MECOM: variants seen among roughly 807,000 people sequenced by gnomAD.
MECOM encodes MDS1 and EVI1 complex locus, also known as histone-lysine N-methyltransferase MECOM.
A neutral mutation model predicts 116.3 loss-of-function variants in MECOM; 13 were observed. That is an observed-to-expected ratio of 0.11 (90% CI 0.07 to 0.18). MECOM has a LOEUF of 0.18. MECOM is among the 10% of genes least tolerant of loss of function. MECOM has a pLI of 1.00. For missense variants in MECOM, 1,299 were observed against 1,509.0 expected (o/e 0.86, Z 2.31); for synonymous variants, 528 against 535.2 (o/e 0.99, Z 0.19).
At position 169,107,971 on chromosome 3, in the gene MECOM, C is replaced by T; in HGVS notation, c.2578-19G>A. On this transcript the variant is annotated intron_variant, in intron 9 of 16. Transcript: ENST00000651503. ...GTTGGAACTGGGAGCAAAATTGAAA[C>T]AAAAACAAAAAATTACTTCTGTGTT... The T allele has an allele frequency of 6.2e-7, 1 of 1,608,428 alleles. No individual in the cohort carries two copies. The highest frequency in any genetic ancestry group is 8.5e-7 in the Non-Finnish European group (1 of 1,176,716).
At chr3:169,513,797 A>G (rs1407672348) in intron 1 of MECOM, among the ~76,000 whole-genome samples, 1 of 152,206 alleles carries the variant, frequency 6.6e-6, no homozygotes, top group African/African-American at 2.4e-5. Context: ...TAATGGTTCT[A>G]TTTGTAAGTC....
intron 2 of MECOM, among the ~76,000 whole-genome samples, chr3:169,168,062 AT>A (rs1489541794): frequency 2.6e-5 from 4 of 152,140 alleles, no homozygotes; most frequent in African/African-American, 4.8e-5. Flanking sequence ...TTGCAATTCT[AT>A]TGTTAAAAAA....
At chr3:169,657,974 C>T (rs1233122225) in intron 1 of MECOM, among the ~76,000 whole-genome samples, 1 of 152,326 alleles carries the variant, frequency 6.6e-6, no homozygotes, top group South Asian at 2.1e-4. Context: ...CTGTCTCCCT[C>T]TCTGGTTTTC....
At chr3:169,573,857 C>T (rs1217973904) in intron 1 of MECOM, among the ~76,000 whole-genome samples, 1 of 152,026 alleles carries the variant, frequency 6.6e-6, no homozygotes, top group South Asian at 2.1e-4. Context: ...TTAAAGACCA[C>T]GTTGAGTTGG....
At chr3:169,659,072 C>CAA (rs199570807) in intron 1 of MECOM, among the ~76,000 whole-genome samples, 2,046 of 83,472 alleles carry the variant, frequency 0.025, 53 homozygotes, top group African/African-American at 0.087. Flanking sequence ...CCTTCAACTC[C>CAA]AAAAAAAAAA....
chr3:169,329,599 T>C (rs1369032954), intron 2 of MECOM, among the ~76,000 whole-genome samples: 2 of 152,240 alleles, frequency 1.3e-5, no homozygotes, highest in East Asian at 3.8e-4. Context: ...GTCCAGTTTA[T>C]ATTGCCTCCT....
At chr3:169,584,471 A>G (rs1765534745) in intron 1 of MECOM, among the ~76,000 whole-genome samples, 1 of 151,582 alleles carries the variant, frequency 6.6e-6, no homozygotes, top group Non-Finnish European at 1.5e-5. Context: ...AGGCTGAGGC[A>G]GGAGAATGGC....
chr3:169,192,254 G>A (rs987236716), intron 2 of MECOM, among the ~76,000 whole-genome samples: 1 of 151,946 alleles, frequency 6.6e-6, no homozygotes, highest in African/African-American at 2.4e-5. Flanking sequence ...GAATAACAGA[G>A]CCCATATCTT....
intron 2 of MECOM, among the ~76,000 whole-genome samples, chr3:169,365,994 A>G (rs191681776): frequency 1.3e-4 from 19 of 150,798 alleles, no homozygotes; most frequent in Admixed American, 5.9e-4. Flanking sequence ...GAGAGAGAGG[A>G]CTGGAAAAGG....
At chr3:169,291,091 A>G (rs1714461014) in intron 2 of MECOM, among the ~76,000 whole-genome samples, 1 of 152,154 alleles carries the variant, frequency 6.6e-6, no homozygotes, top group Non-Finnish European at 1.5e-5. Flanking sequence ...CCTTCTATAT[A>G]CTTTACCTAA....
intron 1 of MECOM, among the ~76,000 whole-genome samples, chr3:169,609,743 G>T (rs1157131896): frequency 6.6e-6 from 1 of 152,088 alleles, no homozygotes; most frequent in Non-Finnish European, 1.5e-5. Context: ...AAGTCAAAAA[G>T]ATCACTGTGT....
rs536017133 is a variant in MECOM at position 169,591,647 on chromosome 3, A to C, written c.37+71689T>G. On this transcript the variant is annotated intron_variant, in intron 1 of 16. Transcript: ENST00000651503. ...ATACAGCCATTAACCCGTGCTAATCACCTATTTCACTTGAATGACCCAATA... is the reference window on the plus strand; with the variant it reads ...ATACAGCCATTAACCCGTGCTAATCCCCTATTTCACTTGAATGACCCAATA... Among the ~76,000 whole-genome samples, 511 of 151,998 alleles carry C rather than the reference A, an allele frequency of 3.4e-3. 3 individuals are homozygous for C. Among genetic ancestry groups the C allele is most frequent in the Non-Finnish European group, 5.9e-3 (401 of 67,972 alleles).
intron 14 of MECOM, among the ~76,000 whole-genome samples, chr3:169,090,924 T>C (rs1469923847): frequency 1.3e-5 from 2 of 152,006 alleles, no homozygotes; most frequent in Admixed American, 1.3e-4. Flanking sequence ...CCCCATCACT[T>C]TCCCACATAA....
chr3:169,427,442 A>C (rs891170740), intron 1 of MECOM, among the ~76,000 whole-genome samples: 2 of 152,212 alleles, frequency 1.3e-5, no homozygotes, highest in African/African-American at 4.8e-5. Flanking sequence ...GTCTAAAATA[A>C]AAGGAAACCT....
chr3:169,424,420 TA>T (rs1423578789), intron 1 of MECOM, among the ~76,000 whole-genome samples: 5 of 152,142 alleles, frequency 3.3e-5, no homozygotes, highest in African/African-American at 1.2e-4. Context: ...TCTCTAAGTC[TA>T]CCATGACTTC....
At chr3:169,433,934 G>C (rs1742198047) in intron 1 of MECOM, among the ~76,000 whole-genome samples, 1 of 152,098 alleles carries the variant, frequency 6.6e-6, no homozygotes, top group Non-Finnish European at 1.5e-5. Flanking sequence ...ACGTTGGAGA[G>C]CTGTTATCTG....
At chr3:169,626,041 A>T (rs1170275347) in intron 1 of MECOM, among the ~76,000 whole-genome samples, 3 of 152,248 alleles carry the variant, frequency 2.0e-5, no homozygotes, top group Non-Finnish European at 4.4e-5. Flanking sequence ...AACTCATTTT[A>T]TTCAAAAGTT....
Position 169,116,752 on chromosome 3 carries a change from A to C in MECOM, c.1133-13T>G, listed in dbSNP as rs1729283519. ...TGGCAGACCTCACCTGTGTGCAAAC[A>C]ACAAAAAAGAATCTCAGGCTTTATG... On this transcript the variant is annotated splice_polypyrimidine_tract_variant and intron_variant, in intron 7 of 16. Transcript: ENST00000651503. The C allele has an allele frequency of 6.4e-7, 1 of 1,560,260 alleles. No homozygotes were observed. The highest frequency in any genetic ancestry group is 1.4e-5 in the African/African-American group (1 of 72,708).
intron 2 of MECOM, among the ~76,000 whole-genome samples, chr3:169,211,378 T>A (rs1197125826): frequency 6.6e-6 from 1 of 152,062 alleles, no homozygotes; most frequent in Non-Finnish European, 1.5e-5. Flanking sequence ...ATTCACCATC[T>A]CAATTATTTG....
Sources: gnomAD v4.1 joint callset for allele counts (sites outside exome capture counted in the v4.1 genomes callset) on GRCh38, gnomAD v4.1.1 for gene constraint, MANE v1.5 for transcripts, NCBI Gene and HGNC (gene_info 2026-07-23, HGNC 2026-07-21) for gene names.